The following FSIP2 variants were observed in gnomAD, a reference collection of about 807,000 sequenced individuals.
FSIP2 encodes the protein fibrous sheath interacting protein 2.
A neutral mutation model predicts 510.5 loss-of-function variants in FSIP2; 367 were observed. The observed-to-expected ratio is 0.72, with a 90% CI of 0.66 to 0.78. FSIP2 has a LOEUF of 0.78. Ranked by LOEUF, FSIP2 falls within the 30% of genes least tolerant of loss-of-function variation. The probability of loss-of-function intolerance (pLI) is 0.00; values close to 1 mark genes in which losing one functional copy is unlikely to be tolerated. For missense variants in FSIP2, 7,594 were observed against 7,901.7 expected (o/e 0.96, Z 1.48); for synonymous variants, 2,601 against 2,732.2 (o/e 0.95, Z 1.50).
chr2:185,767,429 A>C (rs1025932523), intron 13 of FSIP2, among the ~76,000 whole-genome samples: 1 of 152,108 alleles, frequency 6.6e-6, no homozygotes, highest in Non-Finnish European at 1.5e-5. Context: ...GATCTTCCAC[A>C]CTTATTCATC....
At chr2:185,751,956 C>T (rs2105542188) in intron 7 of FSIP2, among the ~76,000 whole-genome samples, 1 of 133,042 alleles carries the variant, frequency 7.5e-6, no homozygotes, top group Middle Eastern at 3.7e-3. Context: ...TTTGTCTAAA[C>T]TATCATTTAT....
intron 5 of FSIP2, among the ~76,000 whole-genome samples, chr2:185,746,028 G>T (rs1375975411): frequency 6.6e-6 from 1 of 152,008 alleles, no homozygotes; most frequent in East Asian, 1.9e-4. Context: ...TTCAATCATG[G>T]CCATTCCATG....
At position 185,790,725 on chromosome 2, in the gene FSIP2, G is replaced by T. The variant is rs1419648809; in HGVS notation, c.3589G>T (p.Val1197Phe). The change falls in exon 16 of 23, where the codon GTT becomes TTT. Residue 1197 changes from valine (V) to phenylalanine (F), a missense_variant. By Grantham distance (50) the Val-to-Phe change is conservative (BLOSUM62 -1). Coordinates refer to ENST00000424728, the MANE Select transcript of FSIP2 (RefSeq NM_173651.4). The stretch of plus-strand genomic sequence containing the variant: ...CACTAAAAGTTCCATTTCATCATCA[G>T]TTCATCAGATTTCCTTACATAATTC... Reference protein sequence around the residue: ...NTTKSSISSSVHQISLHNSDT... With the variant: ...NTTKSSISSSFHQISLHNSDT... The T allele has an allele frequency of 9.1e-6, 14 of 1,533,578 alleles. No individual in the cohort carries two copies. The Admixed American group carries it at 2.4e-4, about 26-fold the overall frequency. 95.0% of individuals were successfully genotyped at this position (1,533,578 alleles called of 1,614,324 possible). A position where few individuals can be genotyped will look rare whatever the true frequency, so the allele number is the denominator to read the frequency against.
chr2:185,754,096 T>C (rs1372205255), intron 8 of FSIP2, among the ~76,000 whole-genome samples: 1 of 151,362 alleles, frequency 6.6e-6, no homozygotes, highest in Non-Finnish European at 1.5e-5. Context: ...CCTCCCTATA[T>C]TTAAAGTAAT....
At chr2:185,763,082 G>T in intron 11 of FSIP2, 101 bp from the exon 12 acceptor site, 2 of 624,810 alleles carry the variant, frequency 3.2e-6, no homozygotes, top group East Asian at 5.5e-5. Context: ...CACTGTGGCA[G>T]CTGAGCAGGG....
At chr2:185,758,343 T>TA (rs1019431457) in intron 9 of FSIP2, among the ~76,000 whole-genome samples, 115 of 149,994 alleles carry the variant, frequency 7.7e-4, no homozygotes, top group Middle Eastern at 3.4e-3. Flanking sequence ...CCTTGCACAG[T>TA]AAAAAAAAAC....
In FSIP2 at chr2:185,807,423, T is replaced by C; in HGVS notation, c.18117T>C (p.Asn6039=). The change falls in exon 17 of 23, where the codon AAT becomes AAC. Residue 6039 remains asparagine (N), a synonymous_variant. Coordinates refer to ENST00000424728, the MANE Select transcript of FSIP2 (RefSeq NM_173651.4). ...CAAAAACAAAAGAACCTGAGGACAA[T>C]TTGTCCACAGAACTGAATTTCCTTC... The part of the protein sequence containing the change: ...SSTKTKEPED[N]LSTELNFLQM... 1 of 1,610,050 alleles carries C rather than the reference T, an allele frequency of 6.2e-7. No individual in the cohort carries two copies. The highest frequency in any genetic ancestry group is 1.1e-5 in the South Asian group (1 of 90,234).
Position 185,795,054 on chromosome 2 carries a change from A to T in FSIP2, c.7918A>T (p.Ile2640Phe), listed in dbSNP as rs556555113. The change falls in exon 16 of 23, where the codon ATC (isoleucine) becomes TTC (phenylalanine). Residue 2640 changes from isoleucine (I) to phenylalanine (F), a missense_variant. Physicochemically the swap from Ile to Phe is conservative, Grantham distance 21. Coordinates refer to ENST00000424728, the MANE Select transcript of FSIP2 (RefSeq NM_173651.4). Reference protein sequence around the residue: ...KDLIQMVLNKITNFVSLPLKV... With the variant: ...KDLIQMVLNKFTNFVSLPLKV... Reference sequence around the variant, plus strand: ...CTTAATTCAAATGGTTCTCAATAAGATCACAAATTTTGTCTCACTTCCTTT... The same window carrying T: ...CTTAATTCAAATGGTTCTCAATAAGTTCACAAATTTTGTCTCACTTCCTTT... 6.5e-7 allele frequency: 1 copy of T among 1,534,786 alleles called. No homozygotes were observed. Among genetic ancestry groups the T allele is most frequent in the South Asian group, 1.2e-5 (1 of 84,030 alleles).
At chr2:185,809,314 G>A (rs911709281) in intron 17 of FSIP2, among the ~76,000 whole-genome samples, 181 bp downstream of exon 17, 2 of 152,062 alleles carry the variant, frequency 1.3e-5, no homozygotes, top group African/African-American at 4.8e-5. Context: ...GATTTGTCAT[G>A]TTAGTTCTGT....
chr2:185,802,984 T>C lies in FSIP2; in HGVS notation c.13678T>C (p.Ser4560Pro), dbSNP rs1467132461. 1.4e-5 allele frequency: 21 copies of C among 1,531,002 alleles called. No homozygotes were observed. Among genetic ancestry groups the C allele is most frequent in the Non-Finnish European group, 1.8e-5 (21 of 1,144,224 alleles). The allele number at this position is 1,531,002 out of a possible 1,614,324, so 94.8% of individuals were successfully genotyped here. The change falls in exon 17 of 23, where the codon TCA becomes CCA. Residue 4560 changes from serine to proline, a missense_variant. Transcript: ENST00000424728. ...NVVQTSGSQESAVQNITSSND... is the reference protein window; with the variant it reads ...NVVQTSGSQEPAVQNITSSND... The stretch of plus-strand genomic sequence containing the variant: ...TGTGCAAACCTCTGGTTCTCAAGAA[T>C]CAGCTGTGCAAAATATCACAAGCAG...
chr2:185,765,136 A>C (rs1692439777), intron 13 of FSIP2: 1 of 151,904 alleles, frequency 6.6e-6, no homozygotes, highest in South Asian at 2.1e-4. Context: ...CTGTCGGTTT[A>C]TTGGGGTATT....
At chr2:185,760,745 G>A (rs921796015) in intron 9 of FSIP2, among the ~76,000 whole-genome samples, 1 of 150,432 alleles carries the variant, frequency 6.6e-6, no homozygotes. Context: ...TTGAGTTAGT[G>A]GTATAGATCA....
Position 185,805,954 on chromosome 2 carries a change from A to T in FSIP2, c.16648A>T (p.Thr5550Ser), listed in dbSNP as rs1208740124. The T allele has an allele frequency of 6.3e-7, 1 of 1,576,594 alleles. No individual in the cohort carries two copies. Among genetic ancestry groups the T allele is most frequent in the Admixed American group, 2.0e-5 (1 of 50,046 alleles). ...AACTACCACTGTGAAAAGTAAAGAT[A>T]CTCAGGAGCCAAATTTGAGTGAAAC... ...TSTTTVKSKDTQEPNLSETFN... is the reference protein window; with the variant it reads ...TSTTTVKSKDSQEPNLSETFN... The change falls in exon 17 of 23, where the codon ACT becomes TCT. Residue 5550 changes from threonine to serine, a missense_variant. Coordinates refer to ENST00000424728, the MANE Select transcript of FSIP2 (RefSeq NM_173651.4).
chr2:185,780,423 CTATA>C (rs1217229513), intron 13 of FSIP2, among the ~76,000 whole-genome samples: 1 of 151,378 alleles, frequency 6.6e-6, no homozygotes, highest in Non-Finnish European at 1.5e-5. Context: ...TTTAGTTTTT[CTATA>C]TAGTTTATTA....
In FSIP2 at chr2:185,800,754, A is replaced by C. The variant is rs1301984919; in HGVS notation, c.11448A>C (p.Val3816=). The change falls in exon 17 of 23, where the codon GTA becomes GTC. Residue 3816 remains valine (V), a synonymous_variant. Transcript: ENST00000424728. ...GAATGGACTGTGAATGCCTTCAAGTAGATTACATGTCAGACCTTTTGGAGA... is the reference window on the plus strand; with the variant it reads ...GAATGGACTGTGAATGCCTTCAAGTCGATTACATGTCAGACCTTTTGGAGA... ...KGGMDCECLQ[V]DYMSDLLENV... 11 of 1,533,886 alleles carry C rather than the reference A, an allele frequency of 7.2e-6. No homozygotes were observed. The Admixed American group carries it at 2.0e-4, about 27-fold the overall frequency.
At position 185,803,293 on chromosome 2, in the gene FSIP2, C is replaced by T. The variant is rs11896636; in HGVS notation, c.13987C>T (p.His4663Tyr). The T allele has an allele frequency of 1.1e-3, 1,712 of 1,526,206 alleles. 22 individuals carry two copies. In the African/African-American group the frequency reaches 0.021, roughly 19 times the overall value. The allele number at this position is 1,526,206 out of a possible 1,614,324, so 94.5% of individuals were successfully genotyped here. A position where few individuals can be genotyped will look rare whatever the true frequency, so the allele number is the denominator to read the frequency against. Residue 4663 changes from histidine (H) to tyrosine (Y), a missense_variant, in exon 17 of 23, where the codon CAT becomes TAT. By Grantham distance (83) the His-to-Tyr change is moderately conservative (BLOSUM62 2). Coordinates refer to ENST00000424728, the MANE Select transcript of FSIP2 (RefSeq NM_173651.4). Reference protein sequence around the residue: ...ELFEKAEELIHLITGEFSKAQ... With the variant: ...ELFEKAEELIYLITGEFSKAQ... ...GTTTGAGAAAGCTGAAGAACTCATA[C>T]ATTTGATTACAGGGGAATTCTCAAA... is the stretch of plus-strand genomic sequence containing the variant.
chr2:185,764,509 C>A lies in FSIP2; in HGVS notation c.1355C>A (p.Thr452Lys), dbSNP rs918641316. The A allele has an allele frequency of 8.5e-6, 13 of 1,529,730 alleles. No homozygotes were observed. The highest frequency in any genetic ancestry group is 2.0e-5 in the Admixed American group (1 of 50,642). The allele number at this position is 1,529,730 out of a possible 1,614,324, so 94.8% of individuals were successfully genotyped here. A position where few individuals can be genotyped will look rare whatever the true frequency, so the allele number is the denominator to read the frequency against. The stretch of plus-strand genomic sequence containing the variant: ...CTGTTGTGAATTATGTAGAAGGAGA[C>A]AAATGCTGATTGGGATGGAAGACCA... ...FLDPSKEEKETNADWDGRPTK... is the reference protein window; with the variant it reads ...FLDPSKEEKEKNADWDGRPTK... Residue 452 changes from threonine (T) to lysine (K), a missense_variant, in exon 13 of 23, where the codon ACA (threonine) becomes AAA (lysine). Thr to Lys is a moderately conservative substitution (Grantham distance 78, BLOSUM62 -1). Coordinates refer to ENST00000424728, the MANE Select transcript of FSIP2 (RefSeq NM_173651.4).
In FSIP2 at chr2:185,745,420, C is replaced by G. The variant is rs769290148; in HGVS notation, c.478-9C>G. ...TTATATATATGTAATACACACATTT[C>G]TTAAATAGAGAATACTTGCAAAACA... On this transcript the variant is annotated splice_polypyrimidine_tract_variant and intron_variant, in intron 4 of 22. Coordinates refer to ENST00000424728, the MANE Select transcript of FSIP2 (RefSeq NM_173651.4). 1 of 1,507,014 alleles carries G rather than the reference C, an allele frequency of 6.6e-7. No individual in the cohort carries two copies. Among genetic ancestry groups the G allele is most frequent in the Non-Finnish European group, 8.9e-7 (1 of 1,122,932 alleles). 93.4% of individuals were successfully genotyped at this position (1,507,014 alleles called of 1,614,324 possible).
In FSIP2 at chr2:185,796,341, C is replaced by T; in HGVS notation, c.9205C>T (p.Leu3069=). 1 of 1,533,576 alleles carries T rather than the reference C, an allele frequency of 6.5e-7. No individual in the cohort carries two copies. The highest frequency in any genetic ancestry group is 8.7e-7 in the Non-Finnish European group (1 of 1,145,006). The allele number at this position is 1,533,576 out of a possible 1,614,324, so 95.0% of individuals were successfully genotyped here. ...CAAGGAAAACATACAGAATATCCTT[C>T]TACGGGTTCATTCATTCCATTCACA... is the stretch of plus-strand genomic sequence containing the variant. ...NFKENIQNIL[L]RVHSFHSQLL... Residue 3069 remains leucine (L), a synonymous_variant, in exon 16 of 23, where the codon CTA becomes TTA. Transcript: ENST00000424728.
Sources: gnomAD v4.1 joint callset for allele counts (sites outside exome capture counted in the v4.1 genomes callset) on GRCh38, gnomAD v4.1.1 for gene constraint, MANE v1.5 for transcripts, NCBI Gene and HGNC (gene_info 2026-07-23, HGNC 2026-07-21) for gene names.